Variants in SNX29 observed in about 807,000 individuals in gnomAD.
SNX29 encodes sorting nexin 29.
SNX29 carries 78 observed loss-of-function variants against 102.1 expected under a neutral mutation model. The ratio of observed to expected loss-of-function variants is 0.76; its 90% CI spans 0.64 to 0.92. The LOEUF is 0.92. SNX29 is among the 40% of genes least tolerant of loss of function. The pLI is 0.00. For synonymous variants in SNX29, 580 were observed against 414.5 expected, an observed-to-expected ratio of 1.40 and a Z score of -4.85; for missense variants, 1,280 against 1,061.7, an observed-to-expected ratio of 1.21 and a Z score of -2.86.
intron 18 of SNX29, among the ~76,000 whole-genome samples, chr16:12,466,826 C>T (rs2087075533): frequency 6.6e-6 from 1 of 152,198 alleles, no homozygotes; most frequent in Non-Finnish European, 1.5e-5. Flanking sequence ...TTGGAAAGTC[C>T]ATTAACTTAG....
chr16:12,055,763 A>G (rs370972462), intron 8 of SNX29, among the ~76,000 whole-genome samples: 2 of 152,358 alleles, frequency 1.3e-5, no homozygotes, highest in East Asian at 3.9e-4. Context: ...TGGTTCACCC[A>G]GAATCTACTG....
At chr16:12,499,004 T>C (rs2088971444) in intron 19 of SNX29, among the ~76,000 whole-genome samples, 1 of 152,176 alleles carries the variant, frequency 6.6e-6, no homozygotes, top group South Asian at 2.1e-4. Flanking sequence ...TAAATCTTTT[T>C]AGGGAGCTGG....
At chr16:12,221,432 T>G (rs1473305600) in intron 14 of SNX29, among the ~76,000 whole-genome samples, 2 of 152,178 alleles carry the variant, frequency 1.3e-5, no homozygotes, top group East Asian at 3.9e-4. Flanking sequence ...CTGGCCATCA[T>G]GGTAAAACCC....
At chr16:12,064,037 A>G (rs2151280934) in intron 9 of SNX29, among the ~76,000 whole-genome samples, 1 of 152,194 alleles carries the variant, frequency 6.6e-6, no homozygotes, top group East Asian at 1.9e-4. Flanking sequence ...GTGTGTTCAC[A>G]GGCTCTGTCT....
intron 20 of SNX29, among the ~76,000 whole-genome samples, chr16:12,544,810 T>C (rs961930006): frequency 6.6e-6 from 1 of 152,240 alleles, no homozygotes; most frequent in African/African-American, 2.4e-5. Context: ...GACCAAACTC[T>C]TGACCACTGC....
chr16:12,394,580 G>A (rs903886233), intron 16 of SNX29, among the ~76,000 whole-genome samples: 10 of 152,074 alleles, frequency 6.6e-5, no homozygotes, highest in East Asian at 1.9e-4. Context: ...ATGTGGTGTC[G>A]ACCAGGGCTT....
chr16:12,146,227 A>G (rs1196213232), intron 13 of SNX29, among the ~76,000 whole-genome samples: 4 of 148,470 alleles, frequency 2.7e-5, no homozygotes, highest in Admixed American at 2.7e-4. Flanking sequence ...CTTAATGTGT[A>G]TTTCCCCAAG....
At chr16:12,433,263 G>A (rs1228633690) in intron 18 of SNX29, among the ~76,000 whole-genome samples, 2 of 152,152 alleles carry the variant, frequency 1.3e-5, no homozygotes, top group African/African-American at 2.4e-5. Context: ...TCGATGTAAC[G>A]AGCCTTCTTC....
chr16:12,055,795 A>G (rs2050495906), intron 8 of SNX29, among the ~76,000 whole-genome samples: 1 of 152,268 alleles, frequency 6.6e-6, no homozygotes, highest in African/African-American at 2.4e-5. Context: ...AATCTCATCT[A>G]ATAGAAACAG....
intron 20 of SNX29, among the ~76,000 whole-genome samples, chr16:12,558,348 C>T (rs1271525173): frequency 6.6e-6 from 1 of 152,090 alleles, no homozygotes; most frequent in Admixed American, 6.5e-5. Context: ...AAGAGGCCCC[C>T]TCAGCATCAC....
At position 12,069,140 on chromosome 16, in the gene SNX29, T is replaced by C. The variant is rs771013767; in HGVS notation, c.1319+8T>C. ...TCCTGGACTTCGGTACAGGTTAATA[T>C]TGAGAAACCCAGTTGCCTGTGGCAT... On this transcript the variant is annotated splice_region_variant and intron_variant, in intron 10 of 20. Transcript: ENST00000566228. The C allele has an allele frequency of 1.4e-5, 22 of 1,606,754 alleles. No individual in the cohort carries two copies. Among genetic ancestry groups the C allele is most frequent in the Non-Finnish European group, 1.8e-5 (21 of 1,174,980 alleles).
chr16:12,491,508 T>C (rs988340872), intron 19 of SNX29, among the ~76,000 whole-genome samples: 12 of 151,660 alleles, frequency 7.9e-5, no homozygotes, highest in Admixed American at 2.0e-4. Context: ...GTTGCTGCTG[T>C]TGTTTTTTTT....
chr16:12,552,887 G>A (rs1040230173), intron 20 of SNX29, among the ~76,000 whole-genome samples: 4 of 152,246 alleles, frequency 2.6e-5, no homozygotes, highest in African/African-American at 9.6e-5. Context: ...ACATGGACAT[G>A]GAGGCAGGAG....
At chr16:12,311,680 C>A (rs889669411) in intron 15 of SNX29, among the ~76,000 whole-genome samples, 9 of 152,236 alleles carry the variant, frequency 5.9e-5, no homozygotes, top group African/African-American at 2.2e-4. Flanking sequence ...CGGAAAAACA[C>A]AGTCTGTTAC....
intron 20 of SNX29, among the ~76,000 whole-genome samples, chr16:12,562,024 T>C (rs1018450171): frequency 5.9e-5 from 9 of 152,248 alleles, no homozygotes; most frequent in Admixed American, 5.9e-4. Flanking sequence ...GCCTGGCCCC[T>C]CATGGATTTA....
chr16:12,530,958 A>T (rs2076916367), intron 20 of SNX29, among the ~76,000 whole-genome samples: 1 of 152,214 alleles, frequency 6.6e-6, no homozygotes, highest in Non-Finnish European at 1.5e-5. Context: ...CTACTTGAAC[A>T]GTTAAGAGGT....
At chr16:12,246,871 C>T (rs534321500) in intron 14 of SNX29, among the ~76,000 whole-genome samples, 2 of 152,218 alleles carry the variant, frequency 1.3e-5, no homozygotes, top group African/African-American at 4.8e-5. Flanking sequence ...TGTTGGAACT[C>T]AGGTCTGTGG....
chr16:12,260,341 TG>T (rs2078697222), intron 14 of SNX29, among the ~76,000 whole-genome samples: 1 of 152,184 alleles, frequency 6.6e-6, no homozygotes, highest in Non-Finnish European at 1.5e-5. Context: ...GTGAGATTTT[TG>T]TTGTTCTTTT....
chr16:12,532,897 C>T lies in SNX29; in HGVS notation c.2318+8056C>T, dbSNP rs115281234. On this transcript the variant is annotated intron_variant, in intron 20 of 20. Coordinates refer to ENST00000566228, the MANE Select transcript of SNX29 (RefSeq NM_032167.5). The stretch of plus-strand genomic sequence containing the variant: ...AGAGAGCTGCAGAATCAACACCTAG[C>T]CCCAGAGCGTTAAGAACAGCAGGCC... Among the ~76,000 whole-genome samples the T allele has an allele frequency of 6.6e-3, 998 of 152,316 alleles. 12 individuals carry two copies. Among genetic ancestry groups the T allele is most frequent in the African/African-American group, 0.023 (963 of 41,574 alleles).
Sources: allele counts gnomAD v4.1 joint callset (sites outside exome capture counted in the v4.1 genomes callset), GRCh38; gene constraint gnomAD v4.1.1; transcripts MANE v1.5; gene names NCBI Gene and HGNC (gene_info 2026-07-23, HGNC 2026-07-21).